Variants in GLOD4 observed in about 807,000 individuals in gnomAD.
The protein encoded by GLOD4 is glyoxalase domain containing 4, also known as glyoxalase domain-containing protein 4.
In GLOD4, 44 loss-of-function variants were observed where a neutral mutation model predicts 39.1. The ratio of observed to expected loss-of-function variants is 1.13; its 90% CI spans 0.88 to 1.45. GLOD4 has a LOEUF of 1.45. Ranked by LOEUF, GLOD4 falls within the 40% of genes most tolerant of loss-of-function variation. The probability of loss-of-function intolerance (pLI) is 0.00; values close to 1 mark genes in which losing one functional copy is unlikely to be tolerated. For missense variants in GLOD4, 405 were observed against 366.4 expected, an observed-to-expected ratio of 1.11 and a Z score of -0.86; for synonymous variants, 145 against 135.0, an observed-to-expected ratio of 1.07 and a Z score of -0.52.
intron 3 of GLOD4, among the ~76,000 whole-genome samples, chr17:776,152 T>C (rs1370209436): frequency 6.6e-6 from 1 of 152,254 alleles, no homozygotes. Context: ...TGAAGTCTGA[T>C]TCATTTAACA....
chr17:774,681 C>A (rs761745771), intron 4 of GLOD4, among the ~76,000 whole-genome samples: 1 of 152,074 alleles, frequency 6.6e-6, no homozygotes, highest in Non-Finnish European at 1.5e-5. Context: ...ATTTCTCTTG[C>A]CAGTGATTGG....
chr17:771,944 C>T (rs1479802707), intron 4 of GLOD4, among the ~76,000 whole-genome samples: 4 of 136,894 alleles, frequency 2.9e-5, no homozygotes, highest in Admixed American at 8.3e-5. Context: ...ACCTGGGAGG[C>T]GGAGGTTGCA....
At chr17:783,961 A>G (rs531171492), upstream of GLOD4, among the ~76,000 whole-genome samples, 2 of 152,322 alleles carry the variant, frequency 1.3e-5, no homozygotes, top group East Asian at 1.9e-4. Flanking sequence ...ACCTCTGCCA[A>G]TGTGGTGATA....
chr17:767,114 G>C (rs1906712692), intron 8 of GLOD4, among the ~76,000 whole-genome samples: 1 of 152,170 alleles, frequency 6.6e-6, no homozygotes, highest in Non-Finnish European at 1.5e-5. Context: ...AATCTTATGA[G>C]ATAGATCCTC....
chr17:778,642 T>C (rs1567795546), intron 2 of GLOD4, 53 bp downstream of exon 2: 1 of 1,002,462 alleles, frequency 1.0e-6, no homozygotes, highest in Admixed American at 1.7e-5. Flanking sequence ...TGTCTTCTGT[T>C]ATCCGGGTGT....
intron 1 of GLOD4, among the ~76,000 whole-genome samples, chr17:781,175 C>T (rs1462917174): frequency 4.6e-5 from 7 of 152,158 alleles, no homozygotes; most frequent in African/African-American, 1.7e-4. Flanking sequence ...CCCGCCTTGG[C>T]CTCCCAAAGT....
intron 1 of GLOD4, among the ~76,000 whole-genome samples, chr17:779,524 G>A (rs1407518350): frequency 6.6e-6 from 1 of 151,534 alleles, no homozygotes; most frequent in South Asian, 2.1e-4. Context: ...TGTAATCCCA[G>A]CTACTCAGGA....
At chr17:769,752 G>A (rs923250319) in intron 8 of GLOD4, 117 bp downstream of exon 8, 11 of 715,494 alleles carry the variant, frequency 1.5e-5, no homozygotes, top group East Asian at 5.3e-5. Flanking sequence ...ACCCAACAGC[G>A]AAAGGACGTG....
At chr17:772,951 C>T (rs1391852489) in intron 4 of GLOD4, among the ~76,000 whole-genome samples, 15 of 151,352 alleles carry the variant, frequency 9.9e-5, no homozygotes, top group East Asian at 9.7e-4. Flanking sequence ...GCCCAGAGCG[C>T]GCCACTGCAC....
Position 770,044 on chromosome 17 carries a change from A to C in GLOD4, c.744T>G (p.Pro248=). 1.3e-6 allele frequency: 2 copies of C among 1,599,440 alleles called. No homozygotes were observed. Among genetic ancestry groups the C allele is most frequent in the Non-Finnish European group, 1.7e-6 (2 of 1,166,658 alleles). The change falls in exon 7 of 9, where the codon CCT becomes CCG. Residue 248 remains proline (P), a splice_region_variant and synonymous_variant. Coordinates refer to ENST00000301329, the MANE Select transcript of GLOD4 (RefSeq NM_016080.4). ...TGCCCCCTGCCTGAGAAATACTTAC[A>C]GGGTCGGCCAGAATGACCACCTGTA... ...ATVQVVILAD[P]DGHEICFVGD... is the part of the protein sequence containing the mutation.
chr17:767,996 TGA>T lies in GLOD4; in HGVS notation c.831+1871_831+1872del, dbSNP rs202050943. Among the ~76,000 whole-genome samples the T allele has an allele frequency of 7.4e-3, 839 of 112,698 alleles. 4 individuals carry two copies. Among genetic ancestry groups the T allele is most frequent in the Middle Eastern group, 0.032 (4 of 126 alleles). 73.9% of individuals were successfully genotyped at this position (112,698 alleles called of 152,430 possible). A position where few individuals can be genotyped will look rare whatever the true frequency, so the allele number is the denominator to read the frequency against. On this transcript the variant is annotated intron_variant, in intron 8 of 8. Coordinates refer to ENST00000301329, the MANE Select transcript of GLOD4 (RefSeq NM_016080.4). ...TTTTAGAAGAAATCTGGAGAGGACG[TGA>T]GAGAGAGAAACAGCGCGCACTCAGA...
At chr17:782,364 C>T, upstream of GLOD4, 1 of 1,613,280 alleles carries the variant, frequency 6.2e-7, no homozygotes, top group Non-Finnish European at 8.5e-7. Flanking sequence ...TGACGCAGCC[C>T]GGGTCTCAGG....
At chr17:782,569 A>G (rs56128993), upstream of GLOD4, 1 of 1,614,106 alleles carries the variant, frequency 6.2e-7, no homozygotes, top group Non-Finnish European at 8.5e-7. Flanking sequence ...GCACCATCTG[A>G]GGCCAGTGCC....
chr17:782,747 C>A (rs1323071670), upstream of GLOD4: 2 of 1,531,074 alleles, frequency 1.3e-6, no homozygotes, highest in East Asian at 4.6e-5. Context: ...CGTCGCACAG[C>A]GGAACCTTAA....
chr17:782,153 C>A lies in GLOD4; in HGVS notation c.90+13G>T. On this transcript the variant is annotated intron_variant, in intron 1 of 8. Transcript: ENST00000301329. ...AGCCTCGCGCGCCAGCCCCTGTCGG[C>A]CCCGGCCTGCACCTTCATCCCCAGG... 2 of 1,578,858 alleles carry A rather than the reference C, an allele frequency of 1.3e-6. No homozygotes were observed. Among genetic ancestry groups the A allele is most frequent in the South Asian group, 2.3e-5 (2 of 87,488 alleles).
chr17:785,609 C>T (rs975113971), upstream of GLOD4, among the ~76,000 whole-genome samples: 11 of 152,214 alleles, frequency 7.2e-5, no homozygotes, highest in South Asian at 2.1e-4. Context: ...GGACCTCCAG[C>T]GTGAGGCCTT....
At position 771,646 on chromosome 17, in the gene GLOD4, T is replaced by C. The variant is rs1171666960; in HGVS notation, c.407-185A>G. ...ACTTTGGGAGACTGAGGTAGGAGGA[T>C]TGCGTGAGCCTAGGAATTCAAGACC... On this transcript the variant is annotated intron_variant, in intron 4 of 8. Transcript: ENST00000301329. Among the ~76,000 whole-genome samples, 3 of 152,128 alleles carry C rather than the reference T, an allele frequency of 2.0e-5. 1 individual carries two copies. The highest frequency in any genetic ancestry group is 2.1e-4 in the South Asian group (1 of 4,826).
intron 8 of GLOD4, chr17:764,686 A>G (rs1327229985): frequency 1.3e-5 from 2 of 152,164 alleles, no homozygotes; most frequent in Non-Finnish European, 2.9e-5. Context: ...AAGAGCTGTG[A>G]TATGCAATTA....
chr17:770,014 C>T, intron 7 of GLOD4, 30 bp downstream of exon 7: 2 of 1,553,378 alleles, frequency 1.3e-6, no homozygotes, highest in Non-Finnish European at 1.8e-6. Flanking sequence ...ACCCCTGGTC[C>T]AGCCTGCCCC....
Sources: allele counts gnomAD v4.1 joint callset (sites outside exome capture counted in the v4.1 genomes callset), GRCh38; gene constraint gnomAD v4.1.1; transcripts MANE v1.5; gene names NCBI Gene and HGNC (gene_info 2026-07-23, HGNC 2026-07-21).